Variants in NHSL2 observed in about 807,000 individuals in gnomAD.
NHSL2 encodes NHS-like protein 2.
In NHSL2, 27 loss-of-function variants were observed where a neutral mutation model predicts 53.4. That is an observed-to-expected ratio of 0.51 (90% CI 0.37 to 0.70). The LOEUF is 0.70. NHSL2 is among the 30% of genes least tolerant of loss of function. The pLI, the probability that NHSL2 is intolerant of heterozygous loss-of-function variation, is 0.00. For missense variants in NHSL2, 892 were observed against 980.1 expected (o/e 0.91, Z 1.20); for synonymous variants, 408 against 404.1 (o/e 1.01, Z -0.12).
At chrX:71,995,215 A>G (rs1190386933) in intron 1 of NHSL2, among the ~76,000 whole-genome samples, 3 of 112,030 alleles carry the variant, frequency 2.7e-5, no homozygotes, top group Non-Finnish European at 5.6e-5. Context: ...TTCTCCTGTC[A>G]TCTCTCACCT....
intron 7 of NHSL2, among the ~76,000 whole-genome samples, chrX:72,142,870 C>A (rs1256715265): frequency 1.8e-5 from 2 of 111,808 alleles, no homozygotes; most frequent in Non-Finnish European, 3.8e-5. Context: ...GGCAGGGGTT[C>A]AGTGACAAGA....
At chrX:71,952,611 C>T (rs750525292) in intron 1 of NHSL2, among the ~76,000 whole-genome samples, 2 of 110,730 alleles carry the variant, frequency 1.8e-5, no homozygotes, top group Non-Finnish European at 3.8e-5. Flanking sequence ...GGGTACTAAT[C>T]CCATTCATGA....
chrX:72,141,012 A>C, intron 6 of NHSL2: 1 of 324,902 alleles, frequency 3.1e-6, no homozygotes, highest in South Asian at 7.6e-5. Flanking sequence ...CTCCCCTCTA[A>C]ATCTCTAGTG....
rs150403567 is a variant in NHSL2, at chrX:72,030,326, C to G, written c.281-101753C>G. On this transcript the variant is annotated intron_variant, in intron 1 of 7. Coordinates refer to ENST00000633930, the MANE Select transcript of NHSL2 (RefSeq NM_001013627.3). ...TTATTGGTGACACTGATCAATACCA[C>G]TGGGGTTCATCTGTGCATTCTGATA... Among the ~76,000 whole-genome samples, 4 of 112,565 alleles carry G rather than the reference C, an allele frequency of 3.6e-5. No homozygotes were observed. The East Asian group carries it at 1.1e-3, about 31-fold the overall frequency.
At chrX:72,069,417 AAG>A (rs765436963) in intron 1 of NHSL2, among the ~76,000 whole-genome samples, 21 of 105,275 alleles carry the variant, frequency 2.0e-4, no homozygotes, top group Admixed American at 2.0e-4. Flanking sequence ...GAGAGGGAGG[AAG>A]AGAGAGAGAG....
chrX:72,137,020 T>G, intron 4 of NHSL2, 74 bp from the exon 5 acceptor site: 1 of 953,462 alleles, frequency 1.0e-6, no homozygotes, highest in Non-Finnish European at 1.4e-6. Flanking sequence ...CATCATTCTC[T>G]TCTCTCAGGC....
In NHSL2 at chrX:72,143,318, C is replaced by T; in HGVS notation, c.3422C>T (p.Ser1141Phe). The change falls in exon 8 of 8, where the codon TCC becomes TTC. Residue 1141 changes from serine (S) to phenylalanine (F), a missense_variant. By Grantham distance (155) the Ser-to-Phe change is radical (BLOSUM62 -2). Coordinates refer to ENST00000633930, the MANE Select transcript of NHSL2 (RefSeq NM_001013627.3). The part of the protein sequence containing the change: ...GEAFVGGRTS[S>F]HSPIKNTAES... ...GCCTTTGTGGGTGGCAGAACGAGTT[C>T]CCACTCACCAATAAAGAACACAGCT... The T allele has an allele frequency of 8.6e-7, 1 of 1,166,002 alleles. No individual in the cohort carries two copies. The highest frequency in any genetic ancestry group is 1.1e-6 in the Non-Finnish European group (1 of 871,681).
chrX:71,988,122 A>G (rs1027990276), intron 1 of NHSL2, among the ~76,000 whole-genome samples: 12 of 112,286 alleles, frequency 1.1e-4, no homozygotes, highest in Admixed American at 2.8e-4. Flanking sequence ...AGAAAGAGAG[A>G]AAAACATTGC....
chrX:72,021,508 G>T (rs2042160387), intron 1 of NHSL2, among the ~76,000 whole-genome samples: 1 of 111,888 alleles, frequency 8.9e-6, no homozygotes, highest in South Asian at 3.7e-4. Context: ...AATCTATACT[G>T]GGGTAGCATT....
intron 1 of NHSL2, among the ~76,000 whole-genome samples, chrX:72,066,330 T>C (rs1285178867): frequency 9.0e-6 from 1 of 111,367 alleles, no homozygotes; most frequent in African/African-American, 3.3e-5. Flanking sequence ...AAGGATATGG[T>C]GGAGAAAGCA....
intron 1 of NHSL2, among the ~76,000 whole-genome samples, chrX:72,123,953 C>T (rs1206417848): frequency 9.0e-6 from 1 of 111,306 alleles, no homozygotes; most frequent in Non-Finnish European, 1.9e-5. Flanking sequence ...AGGAAATATC[C>T]ACCCTCCTAA....
intron 1 of NHSL2, among the ~76,000 whole-genome samples, chrX:72,098,906 G>A (rs1352017799): frequency 3.6e-5 from 4 of 111,722 alleles, no homozygotes; most frequent in African/African-American, 1.3e-4. Flanking sequence ...AACTTATTCC[G>A]TGCATATATA....
chrX:72,048,113 A>C (rs1182439962), intron 1 of NHSL2, among the ~76,000 whole-genome samples: 1 of 108,325 alleles, frequency 9.2e-6, no homozygotes, highest in Non-Finnish European at 1.9e-5. Flanking sequence ...AATAATAATA[A>C]AGCAACATTT....
In NHSL2 at chrX:72,144,757, T is replaced by A; in HGVS notation, c.*1183T>A. 4.7e-6 allele frequency: 1 copy of A among 213,262 alleles called. No homozygotes were observed. Among genetic ancestry groups the A allele is most frequent in the East Asian group, 1.3e-4 (1 of 7,432 alleles). 17.6% of individuals were successfully genotyped at this position (213,262 alleles called of 1,213,427 possible). A position where few individuals can be genotyped will look rare whatever the true frequency, so the allele number is the denominator to read the frequency against. ...ACACACACACACACAAAAGGGCTACTTTTTGCCATTTAGGTTCTGTGTTTG... is the reference window on the plus strand; with the variant it reads ...ACACACACACACACAAAAGGGCTACATTTTGCCATTTAGGTTCTGTGTTTG... On this transcript the variant is annotated 3_prime_UTR_variant, in exon 8 of 8. Transcript: ENST00000633930.
At chrX:71,966,667 T>C (rs1227407916) in intron 1 of NHSL2, among the ~76,000 whole-genome samples, 1 of 112,100 alleles carries the variant, frequency 8.9e-6, no homozygotes, top group Non-Finnish European at 1.9e-5. Flanking sequence ...TATAATTATT[T>C]TTATACATTG....
At chrX:71,917,908 T>C (rs1206160597) in intron 1 of NHSL2, among the ~76,000 whole-genome samples, 1 of 111,741 alleles carries the variant, frequency 8.9e-6, no homozygotes, top group East Asian at 2.8e-4. Flanking sequence ...GGTGGGAAGT[T>C]CCTCACATCC....
chrX:71,950,683 G>A (rs2041816243), intron 1 of NHSL2, among the ~76,000 whole-genome samples: 1 of 112,202 alleles, frequency 8.9e-6, no homozygotes, highest in African/African-American at 3.2e-5. Flanking sequence ...GCTCCCACTT[G>A]TGACATGGTG....
At chrX:72,117,609 C>T (rs2042149495) in intron 1 of NHSL2, among the ~76,000 whole-genome samples, 1 of 109,862 alleles carries the variant, frequency 9.1e-6, no homozygotes, top group African/African-American at 3.3e-5. Flanking sequence ...ATCGCCTCCC[C>T]AGCCCTAGGC....
At chrX:72,084,316 A>G (rs1270907135) in intron 1 of NHSL2, among the ~76,000 whole-genome samples, 1 of 112,560 alleles carries the variant, frequency 8.9e-6, no homozygotes, top group African/African-American at 3.2e-5. Flanking sequence ...ATGCCAAGCC[A>G]GAGCCTGCAC....
Sources: gnomAD v4.1 joint callset for allele counts (sites outside exome capture counted in the v4.1 genomes callset) on GRCh38, gnomAD v4.1.1 for gene constraint, MANE v1.5 for transcripts, NCBI Gene and HGNC (gene_info 2026-07-23, HGNC 2026-07-21) for gene names.